SZT2: variants seen among roughly 807,000 people sequenced by gnomAD.
SZT2 encodes the protein KICSTOR complex protein SZT2.
In SZT2, 216 loss-of-function variants were observed where a neutral mutation model predicts 404.2. The ratio of observed to expected loss-of-function variants is 0.53; its 90% CI spans 0.48 to 0.60. The LOEUF is 0.60. Among genes scored for constraint, SZT2 ranks in the 20% least tolerant of loss-of-function variants. SZT2 has a pLI of 0.00. For synonymous variants in SZT2, 1,693 were observed against 1,749.9 expected (o/e 0.97, Z 0.81); for missense variants, 3,857 against 4,459.2 (o/e 0.86, Z 3.85).
At chr1:43,392,109 AAAAAAAAAAAAAAAAAAAT>A (rs1648441679) in intron 1 of SZT2, among the ~76,000 whole-genome samples, 2 of 16,886 alleles carry the variant, frequency 1.2e-4, no homozygotes, top group African/African-American at 2.6e-4. Context: ...AAAAAAAAAA[AAAAAAAAAAAAAAAAAAAT>A]GAAACAAATG....
At position 43,432,396 on chromosome 1, in the gene SZT2, C is replaced by T. The variant is rs757724833; in HGVS notation, c.5399C>T (p.Ala1800Val). 3.1e-6 allele frequency: 5 copies of T among 1,592,918 alleles called. No individual in the cohort carries two copies. The South Asian group carries it at 5.7e-5, about 18-fold the overall frequency. ...GGGGAGCCTTCTTCAGCGGCCTGGG[C>T]TTGGCACAGTCATGAGGACAGGGCT... Reference protein sequence around the residue: ...SHGEPSSAAWAWHSHEDRAEG... With the variant: ...SHGEPSSAAWVWHSHEDRAEG... The change falls in exon 37 of 72, where the codon GCT becomes GTT. Residue 1800 changes from alanine (A) to valine (V), a missense_variant. Coordinates refer to ENST00000634258, the MANE Select transcript of SZT2 (RefSeq NM_001365999.1).
In SZT2 at chr1:43,430,368, G is replaced by T. The variant is rs1489442062; in HGVS notation, c.4459G>T (p.Ala1487Ser). 1 of 1,609,258 alleles carries T rather than the reference G, an allele frequency of 6.2e-7. No individual in the cohort carries two copies. The highest frequency in any genetic ancestry group is 1.7e-5 in the Admixed American group (1 of 58,518). Residue 1487 changes from alanine (A) to serine (S), a missense_variant, in exon 31 of 72, where the codon GCT (alanine) becomes TCT (serine). Transcript: ENST00000634258. ...AATCAGTGACCTGGAGTTTTCAGAGGCTGAGCTTATGGGAGAAGAAGGTAT... is the reference window on the plus strand; with the variant it reads ...AATCAGTGACCTGGAGTTTTCAGAGTCTGAGCTTATGGGAGAAGAAGGTAT... ...RKISDLEFSEAELMGEEGDTS... is the reference protein window; with the variant it reads ...RKISDLEFSESELMGEEGDTS...
At chr1:43,397,423 T>G (rs1361500641) in intron 1 of SZT2, among the ~76,000 whole-genome samples, 6 of 149,998 alleles carry the variant, frequency 4.0e-5, no homozygotes, top group Non-Finnish European at 5.9e-5. Context: ...GAGACTCCAT[T>G]TCAAAAAAAA....
At chr1:43,409,018 A>G (rs975150739) in intron 4 of SZT2, among the ~76,000 whole-genome samples, 24 of 152,278 alleles carry the variant, frequency 1.6e-4, no homozygotes, top group African/African-American at 5.8e-4. Context: ...TCTATATACA[A>G]TTTTAGGATG....
chr1:43,442,248 G>A lies in SZT2; in HGVS notation c.7874-20G>A. ...GGATCTGTTCCCAGGCCCCTATTGT[G>A]CCCCTCCCCCACCCTGTAGCTGCCA... On this transcript the variant is annotated intron_variant, in intron 56 of 71. Transcript: ENST00000634258. This position sits in a 1 kb window ranked among gnomAD's most constrained non-coding sequence, Gnocchi z 4.5. The A allele has an allele frequency of 6.2e-7, 1 of 1,608,644 alleles. No homozygotes were observed. The highest frequency in any genetic ancestry group is 1.3e-5 in the African/African-American group (1 of 74,946).
chr1:43,442,048 C>G lies in SZT2; in HGVS notation c.7791C>G (p.Gly2597=). The G allele has an allele frequency of 6.2e-7, 1 of 1,614,110 alleles. No homozygotes were observed. Among genetic ancestry groups the G allele is most frequent in the Non-Finnish European group, 8.5e-7 (1 of 1,180,008 alleles). Residue 2597 remains glycine (G), a synonymous_variant, in exon 56 of 72, where the codon GGC becomes GGG. Coordinates refer to ENST00000634258, the MANE Select transcript of SZT2 (RefSeq NM_001365999.1). This position sits in a 1 kb window ranked among gnomAD's most constrained non-coding sequence, Gnocchi z 4.5. ...IFGPCSPGQL[G]PSPRPAAERH... is the part of the protein sequence containing the mutation. ...GCCCTTGTTCCCCTGGGCAACTGGG[C>G]CCCTCTCCCCGCCCTGCAGCTGAGC...
chr1:43,419,752 T>C lies in SZT2; in HGVS notation c.898T>C (p.Tyr300His), dbSNP rs754738706. ...TTTCCAGGTGGGAGGAGTTTACTCTTATGACTGCAGTTTTGGCCATGTGCC... is the reference window on the plus strand; with the variant it reads ...TTTCCAGGTGGGAGGAGTTTACTCTCATGACTGCAGTTTTGGCCATGTGCC... Reference protein sequence around the residue: ...SFVQVGGVYSYDCSFGHVPNV... With the variant: ...SFVQVGGVYSHDCSFGHVPNV... The change falls in exon 8 of 72, where the codon TAT becomes CAT. Residue 300 changes from tyrosine (Y) to histidine (H), a missense_variant. Tyr to His is a moderately conservative substitution (Grantham distance 83). This residue lies in a region of SZT2 where 536 missense variants were observed against 637.4 expected (regional missense o/e 0.84). Transcript: ENST00000634258. 6.3e-6 allele frequency: 10 copies of C among 1,598,218 alleles called. No individual in the cohort carries two copies. The Admixed American group carries it at 1.3e-4, about 21-fold the overall frequency.
chr1:43,408,249 G>A (rs997724597), intron 4 of SZT2, among the ~76,000 whole-genome samples: 1 of 151,928 alleles, frequency 6.6e-6, no homozygotes, highest in East Asian at 2.0e-4. Flanking sequence ...TTCTAGACAC[G>A]TGATTTTATG....
At chr1:43,423,411 G>C in intron 15 of SZT2, 95 bp downstream of exon 15, 1 of 1,251,260 alleles carries the variant, frequency 8.0e-7, no homozygotes, top group Non-Finnish European at 1.1e-6. Context: ...GTAGTATAGA[G>C]GTGTGGAGTG....
In SZT2 at chr1:43,451,758, C is replaced by T. The variant is rs773947729; in HGVS notation, c.*1278C>T. The T allele has an allele frequency of 1.4e-5, 22 of 1,613,672 alleles. No individual in the cohort carries two copies. Among genetic ancestry groups the T allele is most frequent in the Admixed American group, 8.3e-5 (5 of 59,994 alleles). Reference sequence around the variant, plus strand: ...CTACATTCCGAGACCCCGCAGGCCCCGCCCTCCTTCCGATCTGCGAAGTAC... The same window carrying T: ...CTACATTCCGAGACCCCGCAGGCCCTGCCCTCCTTCCGATCTGCGAAGTAC... On this transcript the variant is annotated 3_prime_UTR_variant, in exon 72 of 72. Coordinates refer to ENST00000634258, the MANE Select transcript of SZT2 (RefSeq NM_001365999.1).
Position 43,442,169 on chromosome 1 carries a change from TAA to T in SZT2, c.7873+40_7873+41del. ...CCGGGGGGGCGGGGGGCGGGTAGGC[TAA>T]GAGTAACTGGTGGGGTCTCCAACCT... On this transcript the variant is annotated intron_variant, in intron 56 of 71. Coordinates refer to ENST00000634258, the MANE Select transcript of SZT2 (RefSeq NM_001365999.1). This position sits in a 1 kb window ranked among gnomAD's most constrained non-coding sequence, Gnocchi z 4.5. 1.3e-6 allele frequency: 2 copies of T among 1,587,324 alleles called. No homozygotes were observed. The highest frequency in any genetic ancestry group is 1.1e-5 in the South Asian group (1 of 89,320).
intron 12 of SZT2, 31 bp from the exon 13 acceptor site, chr1:43,422,449 G>A (rs371267760): frequency 1.9e-5 from 30 of 1,544,150 alleles, no homozygotes; most frequent in African/African-American, 1.5e-4. Context: ...GGGCCTGGAG[G>A]TCTAACCTCA....
chr1:43,450,596 G>C lies in SZT2; in HGVS notation c.*116G>C, dbSNP rs1291045857. 1.0e-5 allele frequency: 15 copies of C among 1,447,944 alleles called. No homozygotes were observed. Among genetic ancestry groups the C allele is most frequent in the Non-Finnish European group, 1.4e-5 (15 of 1,061,058 alleles). 89.7% of individuals were successfully genotyped at this position (1,447,944 alleles called of 1,614,324 possible). On this transcript the variant is annotated 3_prime_UTR_variant, in exon 72 of 72. Transcript: ENST00000634258. This position sits in a 1 kb window ranked among gnomAD's most constrained non-coding sequence, Gnocchi z 4.3. The stretch of plus-strand genomic sequence containing the variant: ...GGCCCCAGGGCAAGCCAGACACTGA[G>C]TGACACCAAAGGCTTTGTAACTATG...
At chr1:43,422,667 C>G in intron 13 of SZT2, 35 bp downstream of exon 13, 1 of 804,300 alleles carries the variant, frequency 1.2e-6, no homozygotes, top group Non-Finnish European at 1.7e-6. Context: ...CCCCCGCCCC[C>G]CCACCCCCCC....
Position 43,442,031 on chromosome 1 carries a change from TC to T in SZT2, c.7778del (p.Pro2593LeufsTer60). ...GSEPEIFGPC[S>X]PGQLGPSPRP... Reference sequence around the variant, plus strand: ...AGAGCCAGAGATCTTCGGCCCTTGTTCCCCTGGGCAACTGGGCCCCTCTCCC... The same window carrying T: ...AGAGCCAGAGATCTTCGGCCCTTGTTCCCTGGGCAACTGGGCCCCTCTCCC... On this transcript the variant is annotated frameshift_variant, in exon 56 of 72. Coordinates refer to ENST00000634258, the MANE Select transcript of SZT2 (RefSeq NM_001365999.1). LOFTEE classifies it high-confidence loss of function. This position sits in a 1 kb window ranked among gnomAD's most constrained non-coding sequence, Gnocchi z 4.5. 1 of 1,613,882 alleles carries T rather than the reference TC, an allele frequency of 6.2e-7. No homozygotes were observed. The highest frequency in any genetic ancestry group is 8.5e-7 in the Non-Finnish European group (1 of 1,179,904).
Position 43,427,576 on chromosome 1 carries a change from C to T in SZT2, c.3645C>T (p.Asp1215=). 8 of 1,614,246 alleles carry T rather than the reference C, an allele frequency of 5.0e-6. No homozygotes were observed. Among genetic ancestry groups the T allele is most frequent in the Non-Finnish European group, 5.9e-6 (7 of 1,180,042 alleles). The change falls in exon 26 of 72, where the codon GAC becomes GAT. Residue 1215 remains aspartate (D), a synonymous_variant. Transcript: ENST00000634258. ...AGCTAAGTCCACCATTCCGTCGAGA[C>T]TTACAGGCTTACGCTGGGCGTCAGG... The part of the protein sequence containing the change: ...QGELSPPFRR[D]LQAYAGRQAS...
At position 43,443,229 on chromosome 1, in the gene SZT2, T is replaced by G; in HGVS notation, c.8461T>G (p.Trp2821Gly). The change falls in exon 60 of 72, where the codon TGG (tryptophan) becomes GGG (glycine). Residue 2821 changes from tryptophan (W) to glycine (G), a missense_variant. This residue lies in a region of SZT2 where 717 missense variants were observed against 868.2 expected (regional missense o/e 0.83). Transcript: ENST00000634258. ...GAAGATGGAAAACCTGTTTGTAACC[T>G]GGCAGCAGCGTTCTACCCCAGCCAC... The part of the protein sequence containing the change: ...QMKMENLFVT[W>G]QQRSTPATMP... The G allele has an allele frequency of 1.2e-6, 2 of 1,614,180 alleles. No homozygotes were observed. Among genetic ancestry groups the G allele is most frequent in the Non-Finnish European group, 1.7e-6 (2 of 1,180,022 alleles).
In SZT2 at chr1:43,450,971, T is replaced by A. The variant is rs6954; in HGVS notation, c.*491T>A. ...CCCAGCTCTGCCTTTGAAGCACTTG[T>A]GGCCACCGTCAAGTCCCTTTGCTCT... is the stretch of plus-strand genomic sequence containing the variant. On this transcript the variant is annotated 3_prime_UTR_variant, in exon 72 of 72. Transcript: ENST00000634258. The surrounding 1 kb of genome is among the most constrained non-coding windows in gnomAD (Gnocchi z 4.3). 1.3e-6 allele frequency: 1 copy of A among 762,390 alleles called. No individual in the cohort carries two copies. 47.2% of individuals were successfully genotyped at this position (762,390 alleles called of 1,614,324 possible).
chr1:43,416,225 G>A (rs1272927361), intron 6 of SZT2, 124 bp downstream of exon 6: 2 of 1,304,250 alleles, frequency 1.5e-6, no homozygotes, highest in Middle Eastern at 2.6e-4. Flanking sequence ...CTGTTTCCTT[G>A]TTTGCAAAAT....
Sources: gnomAD v4.1 joint callset for allele counts (sites outside exome capture counted in the v4.1 genomes callset) on GRCh38, gnomAD v4.1.1 for gene constraint, gnomAD v4.1.1 regional missense constraint, Gnocchi (gnomAD v3.1) non-coding constraint, MANE v1.5 for transcripts, NCBI Gene and HGNC (gene_info 2026-07-23, HGNC 2026-07-21) for gene names.